CHFR: variants seen among roughly 807,000 people sequenced by gnomAD.
CHFR encodes checkpoint with forkhead and ring finger domains.
CHFR carries 57 observed loss-of-function variants against 87.6 expected under a neutral mutation model. The ratio of observed to expected loss-of-function variants is 0.65; its 90% CI spans 0.53 to 0.81. CHFR has a LOEUF of 0.81. Ranked by LOEUF, CHFR falls within the 30% of genes least tolerant of loss-of-function variation. The pLI is 0.00. For missense variants in CHFR, 797 were observed against 865.8 expected (o/e 0.92, Z 1.00); for synonymous variants, 381 against 359.2 (o/e 1.06, Z -0.69).
At position 132,861,461 on chromosome 12, in the gene CHFR, A is replaced by G. The variant is rs1180609941; in HGVS notation, c.751+6T>C. 2 of 1,613,798 alleles carry G rather than the reference A, an allele frequency of 1.2e-6. No homozygotes were observed. Among genetic ancestry groups the G allele is most frequent in the East Asian group, 2.2e-5 (1 of 44,888 alleles). ...GGACTGAGGACACACACAACCAGACACTAACCTCCTCTCATTTTCTTCTTC... is the reference window on the plus strand; with the variant it reads ...GGACTGAGGACACACACAACCAGACGCTAACCTCCTCTCATTTTCTTCTTC... On this transcript the variant is annotated splice_donor_region_variant and intron_variant, in intron 7 of 17. Transcript: ENST00000450056.
chr12:132,875,103 A>G (rs1221933928), intron 3 of CHFR, among the ~76,000 whole-genome samples: 1 of 152,290 alleles, frequency 6.6e-6, no homozygotes, highest in Non-Finnish European at 1.5e-5. Flanking sequence ...GCTAGGGACC[A>G]GCACCCTGCC....
intron 6 of CHFR, chr12:132,861,911 G>A (rs771500835): frequency 3.3e-5 from 14 of 420,466 alleles, no homozygotes; most frequent in East Asian, 8.2e-5. Flanking sequence ...CTCGAGCACC[G>A]AGTCTAACGC....
intron 9 of CHFR, 85 bp from the exon 10 acceptor site, chr12:132,856,715 G>A (rs899191592): frequency 2.7e-5 from 38 of 1,431,814 alleles, no homozygotes; most frequent in East Asian, 1.4e-4. Context: ...GCTCGCGTGC[G>A]CAGTGCTGCG....
intron 2 of CHFR, among the ~76,000 whole-genome samples, chr12:132,884,550 T>C (rs1951844558): frequency 6.6e-6 from 1 of 152,158 alleles, no homozygotes; most frequent in Non-Finnish European, 1.5e-5. Context: ...TAATCCCCAA[T>C]GTGACTGTAT....
intron 5 of CHFR, among the ~76,000 whole-genome samples, 190 bp downstream of exon 5, chr12:132,870,531 CAAA>C (rs376516972): frequency 4.4e-5 from 4 of 91,088 alleles, no homozygotes; most frequent in African/African-American, 4.7e-5. Context: ...AACTCCGTCT[CAAA>C]AAAAAAAAAA....
chr12:132,857,336 A>C, intron 9 of CHFR, 69 bp downstream of exon 9: 1 of 1,520,202 alleles, frequency 6.6e-7, no homozygotes, highest in Non-Finnish European at 9.0e-7. Flanking sequence ...GGATGCCCTC[A>C]CGTGCCTGGG....
chr12:132,859,348 A>C, intron 7 of CHFR, 121 bp from the exon 8 acceptor site: 1 of 969,326 alleles, frequency 1.0e-6, no homozygotes. Flanking sequence ...AGAAGGAAAT[A>C]CATGCAGTCT....
intron 15 of CHFR, among the ~76,000 whole-genome samples, chr12:132,845,583 G>A (rs536667604): frequency 2.0e-5 from 3 of 152,320 alleles, no homozygotes; most frequent in African/African-American, 7.2e-5. Flanking sequence ...CCAGGAGGTC[G>A]AGGCTGCAGT....
chr12:132,847,201 A>C, intron 14 of CHFR, 71 bp from the exon 15 acceptor site: 1 of 1,590,510 alleles, frequency 6.3e-7, no homozygotes, highest in South Asian at 1.1e-5. Flanking sequence ...AACGAGAGAA[A>C]ACATTTCATA....
rs769505625 is a variant in CHFR, at chr12:132,861,576, T to C, written c.642A>G (p.Glu214=). The C allele has an allele frequency of 5.6e-6, 9 of 1,614,036 alleles. No homozygotes were observed. The African/African-American group carries it at 1.2e-4, about 22-fold the overall frequency. The change falls in exon 7 of 18, where the codon GAA becomes GAG. Residue 214 remains glutamate, a synonymous_variant. Transcript: ENST00000450056. The part of the protein sequence containing the change: ...KGSGPSVASD[E]VSSFASALPD... ...GGAGAGCTGAGGCAAAGCTGGAGACTTCATCACTTGCCACAGAGGGACCAC... is the reference window on the plus strand; with the variant it reads ...GGAGAGCTGAGGCAAAGCTGGAGACCTCATCACTTGCCACAGAGGGACCAC...
At chr12:132,852,966 C>T (rs770455897) in intron 11 of CHFR, among the ~76,000 whole-genome samples, 4 of 152,214 alleles carry the variant, frequency 2.6e-5, no homozygotes, top group Non-Finnish European at 5.9e-5. Context: ...CACCTGGAGC[C>T]CCTTGCTGGA....
At chr12:132,847,403 A>C in intron 14 of CHFR, 1 of 1,193,734 alleles carries the variant, frequency 8.4e-7, no homozygotes, top group Non-Finnish European at 1.1e-6. Context: ...CCAGGTGTGA[A>C]TGAGACATGA....
chr12:132,859,034 A>G, intron 8 of CHFR, 34 bp downstream of exon 8: 1 of 1,597,208 alleles, frequency 6.3e-7, no homozygotes, highest in East Asian at 2.2e-5. Flanking sequence ...CTGCAGTGCC[A>G]TGTTCCGTGA....
rs765047882 is a variant in CHFR at position 132,847,138 on chromosome 12, G to A, written c.1648-8C>T. The A allele has an allele frequency of 1.6e-5, 26 of 1,610,284 alleles. No homozygotes were observed. Among genetic ancestry groups the A allele is most frequent in the African/African-American group, 1.5e-4 (11 of 74,702 alleles). On this transcript the variant is annotated splice_polypyrimidine_tract_variant and splice_region_variant and intron_variant, in intron 14 of 17. Transcript: ENST00000450056. ...TCTGGTTGCCAGGTAATTCTGTGAC[G>A]CAAAAAAAGAGAGGAATAAGAAATA...
chr12:132,870,275 C>T (rs1466161577), intron 5 of CHFR, among the ~76,000 whole-genome samples: 1 of 151,926 alleles, frequency 6.6e-6, no homozygotes, highest in Non-Finnish European at 1.5e-5. Flanking sequence ...TGGCATGAAC[C>T]CGGGAGGTGG....
chr12:132,872,509 G>C (rs1267150786), intron 3 of CHFR, 115 bp from the exon 4 acceptor site: 1 of 681,124 alleles, frequency 1.5e-6, no homozygotes, highest in Non-Finnish European at 2.6e-6. Flanking sequence ...AATACTCATA[G>C]GAACAGTGTA....
chr12:132,845,737 C>T (rs1950807609), intron 15 of CHFR, among the ~76,000 whole-genome samples: 1 of 152,102 alleles, frequency 6.6e-6, no homozygotes, highest in South Asian at 2.1e-4. Context: ...GTGACCCTCA[C>T]CAAGTGACTG....
intron 8 of CHFR, among the ~76,000 whole-genome samples, chr12:132,858,647 G>A (rs1951137887): frequency 1.5e-5 from 2 of 135,352 alleles, no homozygotes; most frequent in South Asian, 2.5e-4. Context: ...AGAATCGTCT[G>A]AACCCGGGAG....
chr12:132,859,337 G>T, intron 7 of CHFR, 110 bp from the exon 8 acceptor site: 1 of 1,078,538 alleles, frequency 9.3e-7, no homozygotes, highest in South Asian at 1.6e-5. Context: ...TGTCGTAACC[G>T]AGAAGGAAAT....
Sources: allele counts gnomAD v4.1 joint callset (sites outside exome capture counted in the v4.1 genomes callset), GRCh38; gene constraint gnomAD v4.1.1; transcripts MANE v1.5; gene names NCBI Gene and HGNC (gene_info 2026-07-23, HGNC 2026-07-21).